Variants in SLC12A9 observed in about 807,000 individuals in gnomAD.
SLC12A9 encodes the protein solute carrier family 12 member 9, also known as CCC-interacting protein 1.
Under a neutral mutation model 66.0 loss-of-function variants are expected in SLC12A9, and 55 were observed. The ratio of observed to expected loss-of-function variants is 0.83; its 90% confidence interval spans 0.67 to 1.04. The LOEUF (loss-of-function observed/expected upper bound fraction) is 1.04, where lower values mean the gene tolerates loss of function less well. SLC12A9 is among the 50% of genes least tolerant of loss of function. The pLI is 0.00. For synonymous variants in SLC12A9, 577 were observed against 569.0 expected (o/e 1.01, Z -0.20); for missense variants, 1,061 against 1,241.9 (o/e 0.85, Z 2.19).
At chr7:100,856,027 G>T in intron 4 of SLC12A9, 190 bp downstream of exon 4, 1 of 802,736 alleles carries the variant, frequency 1.2e-6, no homozygotes. Context: ...TGCCTGCAGG[G>T]AGCTAACCAT....
At chr7:100,839,775 C>G (rs314326) in intron 1 of SLC12A9, among the ~76,000 whole-genome samples, 77,278 of 151,892 alleles carry the variant, frequency 0.51, 20,051 homozygotes, top group Middle Eastern at 0.76. Flanking sequence ...AGGTGTGGTG[C>G]CTCAGGCCTG....
intron 9 of SLC12A9, chr7:100,860,909 T>G: frequency 1.9e-5 from 13 of 692,540 alleles, no homozygotes; most frequent in East Asian, 3.1e-5. Context: ...TTTAATAGCA[T>G]TTTAGGGGCT....
At position 100,861,360 on chromosome 7, in the gene SLC12A9, G is replaced by T. The variant is rs374075343; in HGVS notation, c.1344-32G>T. On this transcript the variant is annotated intron_variant, in intron 10 of 13. Coordinates refer to ENST00000354161, the MANE Select transcript of SLC12A9 (RefSeq NM_020246.4). The surrounding 1 kb of genome is among the most constrained non-coding windows in gnomAD (Gnocchi z 5.3). ...CAGCCTCGTGTGCGGCCTGCCCTGA[G>T]TTTCTGTCCCTCCTCCCCTCCATGC... 1.4e-4 allele frequency: 233 copies of T among 1,612,046 alleles called. No homozygotes were observed. Among genetic ancestry groups the T allele is most frequent in the Non-Finnish European group, 1.9e-4 (226 of 1,178,566 alleles).
chr7:100,844,665 C>T (rs1466843322), intron 1 of SLC12A9, among the ~76,000 whole-genome samples: 1 of 152,072 alleles, frequency 6.6e-6, no homozygotes, highest in African/African-American at 2.4e-5. Flanking sequence ...AAAAATGGCC[C>T]TTCCTGTACT....
At chr7:100,864,364 T>TG (rs1305792753) in intron 13 of SLC12A9, among the ~76,000 whole-genome samples, 2 of 152,154 alleles carry the variant, frequency 1.3e-5, no homozygotes, top group East Asian at 1.9e-4. Flanking sequence ...GCCATTTTAA[T>TG]GGGGGAAAAA....
chr7:100,828,665 G>A (rs1813479640), intron 1 of SLC12A9, among the ~76,000 whole-genome samples: 2 of 148,706 alleles, frequency 1.3e-5, no homozygotes, highest in African/African-American at 5.0e-5. Flanking sequence ...GGGCTTCCCC[G>A]CCGCCCGCAG....
At chr7:100,858,269 A>G (rs1814517950) in intron 5 of SLC12A9, 1 of 152,292 alleles carries the variant, frequency 6.6e-6, no homozygotes, top group South Asian at 2.1e-4. Context: ...AAAATTAGCC[A>G]GGCGTGGTGG....
chr7:100,835,159 C>T (rs944125235), intron 1 of SLC12A9, among the ~76,000 whole-genome samples: 10 of 151,584 alleles, frequency 6.6e-5, no homozygotes, highest in South Asian at 4.2e-4. Context: ...AGTTTGAGAC[C>T]GGCCTGGCCA....
chr7:100,865,407 C>T (rs540331015), intron 13 of SLC12A9: 217 of 1,536,078 alleles, frequency 1.4e-4, no homozygotes, highest in Middle Eastern at 5.0e-4. Context: ...CGCTAGAAGC[C>T]GGGAGTGGAC....
Position 100,854,355 on chromosome 7 carries a change from G to A in SLC12A9, c.158G>A (p.Ser53Asn), listed in dbSNP as rs764227602. The A allele has an allele frequency of 1.9e-6, 3 of 1,613,454 alleles. No individual in the cohort carries two copies. The African/African-American group carries it at 4.0e-5, about 22-fold the overall frequency. The change falls in exon 2 of 14, where the codon AGC becomes AAC. Residue 53 changes from serine (S) to asparagine (N), a missense_variant. Physicochemically the swap from Ser to Asn is conservative, Grantham distance 46. Coordinates refer to ENST00000354161, the MANE Select transcript of SLC12A9 (RefSeq NM_020246.4). The part of the protein sequence containing the change: ...VVVPTVLSMF[S>N]IVVFLRIGFV... Reference sequence around the variant, plus strand: ...GTGCCCACTGTCCTGTCCATGTTCAGCATAGTTGTTTTTCTGAGGATTGGT... The same window carrying A: ...GTGCCCACTGTCCTGTCCATGTTCAACATAGTTGTTTTTCTGAGGATTGGT...
intron 1 of SLC12A9, among the ~76,000 whole-genome samples, chr7:100,828,669 C>T (rs966319508): frequency 2.0e-5 from 3 of 152,122 alleles, no homozygotes; most frequent in African/African-American, 7.2e-5. Context: ...TTCCCCGCCG[C>T]CCGCAGCCAT....
At chr7:100,863,370 C>T (rs998647302) in intron 13 of SLC12A9, among the ~76,000 whole-genome samples, 1 of 120,742 alleles carries the variant, frequency 8.3e-6, no homozygotes, top group Non-Finnish European at 1.9e-5. Context: ...CCAGCCTTTC[C>T]TTCTTTTTTT....
chr7:100,837,314 C>T (rs1190350610), intron 1 of SLC12A9: 1 of 151,692 alleles, frequency 6.6e-6, no homozygotes, highest in African/African-American at 2.4e-5. Flanking sequence ...CAGACCAAAC[C>T]GTCTTTGAGA....
At position 100,858,920 on chromosome 7, in the gene SLC12A9, C is replaced by T. The variant is rs1814567919; in HGVS notation, c.843C>T (p.Ile281=). ...TCCTCTTTAACGGCTGTACAGGCAT[C>T]ATGGCTGGGGCCAACATGTCAGGTG... ...FAVLFNGCTG[I]MAGANMSGEL... The change falls in exon 6 of 14, where the codon ATC becomes ATT. Residue 281 remains isoleucine, a synonymous_variant. Coordinates refer to ENST00000354161, the MANE Select transcript of SLC12A9 (RefSeq NM_020246.4). 2 of 1,614,164 alleles carry T rather than the reference C, an allele frequency of 1.2e-6. No homozygotes were observed. The highest frequency in any genetic ancestry group is 2.2e-5 in the South Asian group (2 of 91,086).
chr7:100,859,630 G>A, intron 7 of SLC12A9: 1 of 474,326 alleles, frequency 2.1e-6, no homozygotes, highest in East Asian at 3.8e-5. Context: ...AGGATTGCTT[G>A]AGTCCAAGAG....
intron 1 of SLC12A9, among the ~76,000 whole-genome samples, chr7:100,845,939 G>A (rs911904485): frequency 2.6e-5 from 4 of 152,250 alleles, no homozygotes; most frequent in Admixed American, 6.5e-5. Context: ...ATTCTAGGCC[G>A]GCAAGAAACT....
Position 100,865,827 on chromosome 7 carries a change from A to G in SLC12A9, c.1967A>G (p.Glu656Gly), listed in dbSNP as rs962217022. The G allele has an allele frequency of 1.9e-6, 3 of 1,613,870 alleles. No individual in the cohort carries two copies. Among genetic ancestry groups the G allele is most frequent in the South Asian group, 1.1e-5 (1 of 91,070 alleles). The change falls in exon 14 of 14, where the codon GAG becomes GGG. Residue 656 changes from glutamate to glycine, a missense_variant. Coordinates refer to ENST00000354161, the MANE Select transcript of SLC12A9 (RefSeq NM_020246.4). ...TCTGAGCCTGCAGACAGCACCAGGG[A>G]GGGCAGTTCCCCAGCTCTGAGCACC... ...AFSEPADSTR[E>G]GSSPALSTLF...
intron 1 of SLC12A9, among the ~76,000 whole-genome samples, chr7:100,839,005 C>G (rs1379217052): frequency 6.6e-6 from 1 of 152,016 alleles, no homozygotes; most frequent in African/African-American, 2.4e-5. Context: ...CACATGCACC[C>G]CCTTAGAGTT....
intron 1 of SLC12A9, among the ~76,000 whole-genome samples, chr7:100,835,021 G>A (rs747597154): frequency 6.6e-6 from 1 of 152,052 alleles, no homozygotes; most frequent in Non-Finnish European, 1.5e-5. Context: ...GCAACAGAGT[G>A]AGACCCCGTT....
Sources: allele counts gnomAD v4.1 joint callset (sites outside exome capture counted in the v4.1 genomes callset), GRCh38; gene constraint gnomAD v4.1.1; non-coding constraint Gnocchi (gnomAD v3.1); transcripts MANE v1.5; gene names NCBI Gene and HGNC (gene_info 2026-07-23, HGNC 2026-07-21).